Variants in DUSP22 observed in about 807,000 individuals in gnomAD.
DUSP22 encodes dual specificity phosphatase 22, also known as dual specificity protein phosphatase 22.
A neutral mutation model predicts 24.5 loss-of-function variants in DUSP22; 24 were observed. The ratio of observed to expected loss-of-function variants is 0.98; its 90% CI spans 0.71 to 1.38. The LOEUF is 1.38. Among genes scored for constraint, DUSP22 ranks in the 40% most tolerant of loss-of-function variants. The probability of loss-of-function intolerance (pLI) is 0.00; values close to 1 mark genes in which losing one functional copy is unlikely to be tolerated. For synonymous variants in DUSP22, 160 were observed against 106.4 expected (o/e 1.50, Z -3.10); for missense variants, 330 against 269.2 (o/e 1.23, Z -1.58).
chr6:329,721 G>A (rs1759056242), intron 3 of DUSP22, among the ~76,000 whole-genome samples: 1 of 152,306 alleles, frequency 6.6e-6, no homozygotes, highest in Non-Finnish European at 1.5e-5. Flanking sequence ...CAAAGTGCTG[G>A]GATTGCAGGC....
chr6:307,850 A>C (rs1237011761), intron 2 of DUSP22, among the ~76,000 whole-genome samples: 2 of 152,422 alleles, frequency 1.3e-5, no homozygotes, highest in African/African-American at 4.8e-5. Flanking sequence ...CCTGGTGGGT[A>C]CCCAGTTGTT....
chr6:313,157 C>T (rs915857931), intron 3 of DUSP22, among the ~76,000 whole-genome samples: 1 of 152,300 alleles, frequency 6.6e-6, no homozygotes, highest in Non-Finnish European at 1.5e-5. Context: ...CTAAGTTAAA[C>T]TGCAAACTGG....
chr6:294,329 G>A (rs1269368400), intron 1 of DUSP22, among the ~76,000 whole-genome samples: 6 of 150,914 alleles, frequency 4.0e-5, no homozygotes, highest in Admixed American at 1.3e-4. Context: ...TACATACTAT[G>A]AGCCAGGTGT....
intron 1 of DUSP22, among the ~76,000 whole-genome samples, chr6:303,419 A>G (rs575948753): frequency 6.6e-6 from 1 of 152,306 alleles, no homozygotes; most frequent in Admixed American, 6.5e-5. Context: ...GACATGAGCC[A>G]CAATAGATCC....
At chr6:309,050 GT>G (rs1481889100) in intron 2 of DUSP22, among the ~76,000 whole-genome samples, 9 of 152,414 alleles carry the variant, frequency 5.9e-5, no homozygotes, top group African/African-American at 2.2e-4. Context: ...TCCCATTTTG[GT>G]GTGAATGTGG....
At chr6:296,514 A>G (rs547329530) in intron 1 of DUSP22, among the ~76,000 whole-genome samples, 45 of 152,392 alleles carry the variant, frequency 3.0e-4, no homozygotes, top group African/African-American at 1.1e-3. Flanking sequence ...GGGTTAAACT[A>G]AACAGGGTGT....
intron 3 of DUSP22, among the ~76,000 whole-genome samples, chr6:316,870 A>G (rs537851237): frequency 6.6e-6 from 1 of 152,300 alleles, no homozygotes; most frequent in Non-Finnish European, 1.5e-5. Flanking sequence ...GTAGAGAAAA[A>G]ATGATTTATA....
At chr6:339,322 G>A (rs1186340751) in intron 4 of DUSP22, among the ~76,000 whole-genome samples, 2 of 152,304 alleles carry the variant, frequency 1.3e-5, no homozygotes, top group African/African-American at 2.4e-5. Flanking sequence ...TATCTCACAG[G>A]GTTTTTTATA....
At chr6:302,085 C>G (rs1024512144) in intron 1 of DUSP22, among the ~76,000 whole-genome samples, 1 of 152,298 alleles carries the variant, frequency 6.6e-6, no homozygotes, top group Admixed American at 6.5e-5. Context: ...TGTCAGATGG[C>G]GGAGGCAAGC....
chr6:348,758 A>G lies in DUSP22; in HGVS notation c.436-11A>G, dbSNP rs1760009893. On this transcript the variant is annotated splice_polypyrimidine_tract_variant and intron_variant, in intron 6 of 6. Coordinates refer to ENST00000419235, the MANE Select transcript of DUSP22 (RefSeq NM_001286555.3). ...TGTGTGACGTTTCGGGTTTGTTTCC[A>G]TCCTCTCCAGTATCGGCAGTGGCTG... is the stretch of plus-strand genomic sequence containing the variant. The G allele has an allele frequency of 1.2e-6, 2 of 1,614,234 alleles. No individual in the cohort carries two copies. Among genetic ancestry groups the G allele is most frequent in the Non-Finnish European group, 1.7e-6 (2 of 1,180,012 alleles).
Position 335,130 on chromosome 6 carries a change from G to A in DUSP22, c.155G>A (p.Cys52Tyr), listed in dbSNP as rs747586993. Residue 52 changes from cysteine (C) to tyrosine (Y), a missense_variant, in exon 4 of 7, where the codon TGC (cysteine) becomes TAC (tyrosine). Transcript: ENST00000419235. Reference protein sequence around the residue: ...RPMLEGVKYLCIPAADSPSQN... With the variant: ...RPMLEGVKYLYIPAADSPSQN... ...ATTCTGCAGGGAGTTAAATACCTGT[G>A]CATCCCAGCAGCGGATTCACCATCT... 5 of 1,613,758 alleles carry A rather than the reference G, an allele frequency of 3.1e-6. No individual in the cohort carries two copies. The highest frequency in any genetic ancestry group is 1.1e-5 in the South Asian group (1 of 91,072).
chr6:315,775 C>G (rs1398267070), intron 3 of DUSP22, among the ~76,000 whole-genome samples: 1 of 152,306 alleles, frequency 6.6e-6, no homozygotes, highest in Non-Finnish European at 1.5e-5. Flanking sequence ...TTATTCATTT[C>G]TTGAGCTCCT....
At chr6:296,851 A>G (rs1441235996) in intron 1 of DUSP22, among the ~76,000 whole-genome samples, 4 of 152,290 alleles carry the variant, frequency 2.6e-5, no homozygotes, top group Non-Finnish European at 4.4e-5. Context: ...CTTGCCCTCC[A>G]CTGACTGCCA....
At chr6:313,325 A>G (rs961731685) in intron 3 of DUSP22, among the ~76,000 whole-genome samples, 1 of 152,304 alleles carries the variant, frequency 6.6e-6, no homozygotes, top group Non-Finnish European at 1.5e-5. Context: ...CATGACCCTT[A>G]AATCTGCTCA....
At chr6:336,729 G>A (rs1280266502) in intron 4 of DUSP22, among the ~76,000 whole-genome samples, 3 of 152,296 alleles carry the variant, frequency 2.0e-5, no homozygotes, top group Admixed American at 2.0e-4. Context: ...GGATGGTGGA[G>A]GGGGGATTTT....
Position 350,344 on chromosome 6 carries a change from G to A in DUSP22, c.*1393G>A, listed in dbSNP as rs1185091093. 1.9e-6 allele frequency: 2 copies of A among 1,037,188 alleles called. No individual in the cohort carries two copies. The highest frequency in any genetic ancestry group is 2.3e-6 in the Non-Finnish European group (2 of 862,122). The allele number at this position is 1,037,188 out of a possible 1,614,324, so 64.2% of individuals were successfully genotyped here. A position where few individuals can be genotyped will look rare whatever the true frequency, so the allele number is the denominator to read the frequency against. ...CTGGGACGCTGTACGCAATTCAGTG[G>A]TCTAGTCCTTTATACCGACTCAGAT... On this transcript the variant is annotated 3_prime_UTR_variant, in exon 7 of 7. Coordinates refer to ENST00000419235, the MANE Select transcript of DUSP22 (RefSeq NM_001286555.3).
chr6:339,745 G>A (rs1029757320), intron 4 of DUSP22, among the ~76,000 whole-genome samples: 45 of 152,396 alleles, frequency 3.0e-4, no homozygotes, highest in African/African-American at 1.0e-3. Flanking sequence ...TCGGTAAAAC[G>A]TCCTTGCCTT....
At position 349,260 on chromosome 6, in the gene DUSP22, C is replaced by T. The variant is rs2127424668; in HGVS notation, c.*309C>T. The stretch of plus-strand genomic sequence containing the variant: ...GTGACTAAGTGGATGCATGTGTGTG[C>T]CTGTGTGAGTGAGGGTATGTGCACC... On this transcript the variant is annotated 3_prime_UTR_variant, in exon 7 of 7. Coordinates refer to ENST00000419235, the MANE Select transcript of DUSP22 (RefSeq NM_001286555.3). 2 of 1,330,752 alleles carry T rather than the reference C, an allele frequency of 1.5e-6. No homozygotes were observed. The highest frequency in any genetic ancestry group is 1.9e-6 in the Non-Finnish European group (2 of 1,036,208). The allele number at this position is 1,330,752 out of a possible 1,614,324, so 82.4% of individuals were successfully genotyped here. A position where few individuals can be genotyped will look rare whatever the true frequency, so the allele number is the denominator to read the frequency against.
At chr6:301,549 GA>G (rs1488016025) in intron 1 of DUSP22, among the ~76,000 whole-genome samples, 5 of 152,306 alleles carry the variant, frequency 3.3e-5, no homozygotes, top group Admixed American at 3.3e-4. Context: ...TATGGCTTTA[GA>G]AAATTAATTT....
Sources: allele counts gnomAD v4.1 joint callset (sites outside exome capture counted in the v4.1 genomes callset), GRCh38; gene constraint gnomAD v4.1.1; transcripts MANE v1.5; gene names NCBI Gene and HGNC (gene_info 2026-07-23, HGNC 2026-07-21).